The following SCRIB variants were observed in gnomAD, a reference collection of about 807,000 sequenced individuals.
SCRIB encodes the protein scribble planar cell polarity protein, also known as protein scribble homolog.
In SCRIB, 72 loss-of-function variants were observed where a neutral mutation model predicts 170.0. That is an observed-to-expected ratio of 0.42 (90% CI 0.35 to 0.52). The LOEUF (loss-of-function observed/expected upper bound fraction) is 0.52, where lower values mean the gene tolerates loss of function less well. Ranked by LOEUF, SCRIB falls within the 20% of genes least tolerant of loss-of-function variation. The pLI is 0.02. For synonymous variants in SCRIB, 1,298 were observed against 1,044.3 expected, an observed-to-expected ratio of 1.24 and a Z score of -4.68; for missense variants, 2,475 against 2,338.5, an observed-to-expected ratio of 1.06 and a Z score of -1.20.
rs1299060467 is a variant in SCRIB at position 143,791,809 on chromosome 8, G to A, written c.4695+67C>T. 6.8e-6 allele frequency: 10 copies of A among 1,470,532 alleles called. No homozygotes were observed. The African/African-American group carries it at 1.3e-4, about 19-fold the overall frequency. 91.1% of individuals were successfully genotyped at this position (1,470,532 alleles called of 1,614,324 possible). On this transcript the variant is annotated intron_variant, in intron 34 of 36. Transcript: ENST00000356994. Reference sequence around the variant, plus strand: ...AGGGGGGGATGAGGGCCACGGGGGTGGGGGCAGGCCAGACCCCACCCCCAT... The same window carrying A: ...AGGGGGGGATGAGGGCCACGGGGGTAGGGGCAGGCCAGACCCCACCCCCAT...
rs1021559619 is a variant in SCRIB, at chr8:143,803,313, G to A, written c.3603+70C>T. The A allele has an allele frequency of 2.8e-6, 4 of 1,408,130 alleles. No individual in the cohort carries two copies. In the South Asian group the frequency reaches 5.6e-5, roughly 20 times the overall value. The allele number at this position is 1,408,130 out of a possible 1,614,324, so 87.2% of individuals were successfully genotyped here. On this transcript the variant is annotated intron_variant, in intron 24 of 36. Coordinates refer to ENST00000356994, the MANE Select transcript of SCRIB (RefSeq NM_182706.5). Reference sequence around the variant, plus strand: ...AGGGGACCCGTCGCCTGCCCCGAGAGGTGTCAGCGGCTCACAACACCTTGG... The same window carrying A: ...AGGGGACCCGTCGCCTGCCCCGAGAAGTGTCAGCGGCTCACAACACCTTGG...
chr8:143,808,061 C>T (rs1051506748), intron 15 of SCRIB, among the ~76,000 whole-genome samples: 1 of 152,200 alleles, frequency 6.6e-6, no homozygotes, highest in South Asian at 2.1e-4. Flanking sequence ...GAGGGCCCGA[C>T]AAGGCAGAAA....
intron 5 of SCRIB, 36 bp from the exon 6 acceptor site, chr8:143,813,410 G>A (rs1304195614): frequency 6.2e-7 from 1 of 1,612,890 alleles, no homozygotes. Flanking sequence ...TGGCCACGCA[G>A]CCCTGGTCCC....
rs575788571 is a variant in SCRIB, at chr8:143,803,260, G to C, written c.3603+123C>G. 1.7e-5 allele frequency: 16 copies of C among 941,298 alleles called. No homozygotes were observed. The East Asian group carries it at 4.1e-4, about 24-fold the overall frequency. The allele number at this position is 941,298 out of a possible 1,614,324, so 58.3% of individuals were successfully genotyped here. A position where few individuals can be genotyped will look rare whatever the true frequency, so the allele number is the denominator to read the frequency against. On this transcript the variant is annotated intron_variant, in intron 24 of 36. Transcript: ENST00000356994. ...CAGCCCGCACGGCTGATGCAGAGCCGCAGAGCACCGCCCAGACCCAGAGGC... is the reference window on the plus strand; with the variant it reads ...CAGCCCGCACGGCTGATGCAGAGCCCCAGAGCACCGCCCAGACCCAGAGGC...
At chr8:143,806,250 G>T (rs1360182355) in intron 18 of SCRIB, among the ~76,000 whole-genome samples, 157 bp downstream of exon 18, 2 of 152,192 alleles carry the variant, frequency 1.3e-5, no homozygotes, top group Admixed American at 1.3e-4. Flanking sequence ...TCTCTCCTGG[G>T]GTTTACAGGT....
At position 143,813,741 on chromosome 8, in the gene SCRIB, G is replaced by A. The variant is rs373957413; in HGVS notation, c.357-15C>T. ...CATCAGGGAGCCTGGATGGGAGGAA[G>A]CAGAGGCCCTCGGATGACCAGTCCA... On this transcript the variant is annotated splice_polypyrimidine_tract_variant and intron_variant, in intron 3 of 36. Coordinates refer to ENST00000356994, the MANE Select transcript of SCRIB (RefSeq NM_182706.5). 16 of 1,613,028 alleles carry A rather than the reference G, an allele frequency of 9.9e-6. No homozygotes were observed. In the African/African-American group the frequency reaches 2.0e-4, roughly 20 times the overall value.
At chr8:143,793,539 AGT>A in intron 28 of SCRIB, 1 of 311,494 alleles carries the variant, frequency 3.2e-6, no homozygotes. Context: ...CCCACGTGGC[AGT>A]GTGTTGGGAG....
chr8:143,806,365 A>G, intron 18 of SCRIB, 42 bp downstream of exon 18: 1 of 1,488,642 alleles, frequency 6.7e-7, no homozygotes, highest in Non-Finnish European at 9.2e-7. Context: ...GTACCTCCAG[A>G]GGGCACAGCT....
In SCRIB at chr8:143,792,000, G is replaced by C. The variant is rs1456263629; in HGVS notation, c.4648C>G (p.Pro1550Ala). ...PSPAPTPSPT[P>A]VEDLGPQTST... ...GCCCTGACCCACAGACCTTCCACAG[G>C]GGTGGGCGACGGGGTGGGCGCAGGG... is the stretch of plus-strand genomic sequence containing the variant. Residue 1550 changes from proline to alanine, a missense_variant, in exon 33 of 37, where the codon CCT becomes GCT. Physicochemically the swap from Pro to Ala is conservative, Grantham distance 27. Around this residue, in one of 3 missense-constraint regions of SCRIB, gnomAD observed 1,966 missense variants for 1,742.9 expected, o/e 1.13. Coordinates refer to ENST00000356994, the MANE Select transcript of SCRIB (RefSeq NM_182706.5). 1.7e-5 allele frequency: 26 copies of C among 1,525,394 alleles called. No individual in the cohort carries two copies. In the Admixed American group the frequency reaches 3.6e-4, roughly 21 times the overall value. The allele number at this position is 1,525,394 out of a possible 1,614,324, so 94.5% of individuals were successfully genotyped here.
intron 24 of SCRIB, among the ~76,000 whole-genome samples, chr8:143,799,910 G>A (rs1815104411): frequency 6.6e-6 from 1 of 152,102 alleles, no homozygotes. Context: ...GGCTCGCACA[G>A]TGAGAAGAAA....
At chr8:143,793,178 C>T (rs906781858) in intron 28 of SCRIB, 95 bp from the exon 29 acceptor site, 29 of 682,660 alleles carry the variant, frequency 4.2e-5, no homozygotes, top group South Asian at 1.0e-4. Context: ...CCTGTCCCCC[C>T]GCCTGCCTTT....
Position 143,815,406 on chromosome 8 carries a change from CGCTCGGCGGGCTCGGGGCCGGGGGGCGGG to C in SCRIB, c.-63_-35del, listed in dbSNP as rs1816037374. ...TGGGCGGCGCGGGCTCCGGCGGCGG[CGCTCGGCGGGCTCGGGGCCGGGGGGCGGG>C]GCTCAGTCCGCATGGGCGCCGCGCA... On this transcript the variant is annotated 5_prime_UTR_variant, in exon 1 of 37. Transcript: ENST00000356994. The C allele has an allele frequency of 5.6e-6, 7 of 1,251,702 alleles. No individual in the cohort carries two copies. The highest frequency in any genetic ancestry group is 7.0e-6 in the Non-Finnish European group (7 of 992,990). The allele number at this position is 1,251,702 out of a possible 1,614,324, so 77.5% of individuals were successfully genotyped here.
At position 143,795,449 on chromosome 8, in the gene SCRIB, G is replaced by A. The variant is rs917495757; in HGVS notation, c.3685C>T (p.Arg1229Trp). The A allele has an allele frequency of 1.2e-5, 20 of 1,613,138 alleles. No homozygotes were observed. Among genetic ancestry groups the A allele is most frequent in the Non-Finnish European group, 1.4e-5 (17 of 1,179,834 alleles). ...CCTGGGCCCTCAGGGCTCAGCTCCC[G>A]GTCGATGGAAGAGATGCTCTCCAGG... ...NSLESISSIDRELSPEGPGKE... is the reference protein window; with the variant it reads ...NSLESISSIDWELSPEGPGKE... The change falls in exon 25 of 37, where the codon CGG becomes TGG. Residue 1229 changes from arginine (R) to tryptophan (W), a missense_variant. This residue lies in a region of SCRIB where 1,966 missense variants were observed against 1,742.9 expected (regional missense o/e 1.13). Transcript: ENST00000356994.
At chr8:143,804,471 T>C (rs1815318912) in intron 21 of SCRIB, 97 bp downstream of exon 21, 2 of 1,310,404 alleles carry the variant, frequency 1.5e-6, no homozygotes, top group East Asian at 2.6e-5. Context: ...GCTTCCCACC[T>C]GGAGTGGGCC....
intron 21 of SCRIB, 115 bp downstream of exon 21, chr8:143,804,453 G>C: frequency 8.8e-7 from 1 of 1,135,802 alleles, no homozygotes; most frequent in South Asian, 1.7e-5. Context: ...GAAAGGGCGA[G>C]CAGGCCGGCT....
At chr8:143,793,723 G>A in intron 28 of SCRIB, 177 bp downstream of exon 28, 1 of 589,252 alleles carries the variant, frequency 1.7e-6, no homozygotes, top group Non-Finnish European at 3.0e-6. Context: ...GGCCAGGAAA[G>A]CGTCCCTGGC....
In SCRIB at chr8:143,804,551, G is replaced by C; in HGVS notation, c.3009+17C>G. ...GCTGAAGCTGGGTGGGTGCCTGGGT[G>C]GGGGCTTGTGTCTCACCTCCACTGG... On this transcript the variant is annotated intron_variant, in intron 21 of 36. Coordinates refer to ENST00000356994, the MANE Select transcript of SCRIB (RefSeq NM_182706.5). The C allele has an allele frequency of 6.7e-7, 1 of 1,490,426 alleles. No individual in the cohort carries two copies. The highest frequency in any genetic ancestry group is 8.9e-7 in the Non-Finnish European group (1 of 1,126,612). The allele number at this position is 1,490,426 out of a possible 1,614,324, so 92.3% of individuals were successfully genotyped here.
intron 1 of SCRIB, among the ~76,000 whole-genome samples, chr8:143,814,531 C>T (rs1487671538): frequency 6.6e-6 from 1 of 152,100 alleles, no homozygotes; most frequent in Non-Finnish European, 1.5e-5. Context: ...AAACGCTCCC[C>T]ACAATAACAC....
In SCRIB at chr8:143,815,597, G is replaced by A; in HGVS notation, c.-225C>T. The stretch of plus-strand genomic sequence containing the variant: ...AGGGGGCGCGGCCCGGCGGGTCTCA[G>A]ACTCTTAGGAAGCGCGGGGAGCGGC... On this transcript the variant is annotated 5_prime_UTR_variant, in exon 1 of 37. Coordinates refer to ENST00000356994, the MANE Select transcript of SCRIB (RefSeq NM_182706.5). The A allele has an allele frequency of 2.0e-6, 2 of 982,026 alleles. No homozygotes were observed. The highest frequency in any genetic ancestry group is 1.1e-4 in the East Asian group (1 of 8,750). 60.8% of individuals were successfully genotyped at this position (982,026 alleles called of 1,614,324 possible).
Sources: gnomAD v4.1 joint callset for allele counts (sites outside exome capture counted in the v4.1 genomes callset) on GRCh38, gnomAD v4.1.1 for gene constraint, gnomAD v4.1.1 regional missense constraint, MANE v1.5 for transcripts, NCBI Gene and HGNC (gene_info 2026-07-23, HGNC 2026-07-21) for gene names.